Variants in OGDHL observed in about 807,000 individuals in gnomAD.
OGDHL encodes 2-oxoglutarate dehydrogenase-like, mitochondrial.
OGDHL carries 79 observed loss-of-function variants against 109.6 expected under a neutral mutation model. The observed-to-expected ratio is 0.72, with a 90% confidence interval of 0.60 to 0.87. The LOEUF is 0.87. OGDHL is among the 40% of genes least tolerant of loss of function. OGDHL has a pLI of 0.00. For missense variants in OGDHL, 1,275 were observed against 1,362.2 expected, an observed-to-expected ratio of 0.94 and a Z score of 1.01; for synonymous variants, 528 against 537.2, an observed-to-expected ratio of 0.98 and a Z score of 0.24.
rs1841436813 is a variant in OGDHL, at chr10:49,739,035, TCATAA to T, written c.2319+621_2319+625del. 3 of 152,780 alleles carry T rather than the reference TCATAA, an allele frequency of 2.0e-5. No individual in the cohort carries two copies. In the South Asian group the frequency reaches 6.2e-4, roughly 32 times the overall value. 9.5% of individuals were successfully genotyped at this position (152,780 alleles called of 1,614,324 possible). A position where few individuals can be genotyped will look rare whatever the true frequency, so the allele number is the denominator to read the frequency against. The stretch of plus-strand genomic sequence containing the variant: ...GCCGAGTATGCAGCCTGTAAAGTGC[TCATAA>T]CATGCCACTCAGGGATAATGGTGGC... On this transcript the variant is annotated intron_variant, in intron 17 of 22. Transcript: ENST00000374103.
intron 14 of OGDHL, 108 bp from the exon 15 acceptor site, chr10:49,743,086 TTTGG>T: frequency 7.1e-7 from 1 of 1,405,446 alleles, no homozygotes; most frequent in Non-Finnish European, 9.5e-7. Flanking sequence ...CATCTGTTGA[TTTGG>T]TTGGAGGGCA....
chr10:49,742,362 A>ACACT (rs2132990007), intron 15 of OGDHL, among the ~76,000 whole-genome samples: 1 of 3,838 alleles, frequency 2.6e-4, no homozygotes, highest in Admixed American at 3.1e-3. Context: ...CACACAACAC[A>ACACT]CCACACACCC....
rs1277623501 is a variant in OGDHL, at chr10:49,738,003, G to GT, written c.2460dup (p.Pro821ThrfsTer26). ...CGCAGCACGTGGAAGTAGTTGGCCG[G>GT]TGTGGAGCAGTTGACCACGATCCAG... is the stretch of plus-strand genomic sequence containing the variant. On this transcript the variant is annotated frameshift_variant, in exon 19 of 23. Coordinates refer to ENST00000374103, the MANE Select transcript of OGDHL (RefSeq NM_018245.3). LOFTEE classifies it high-confidence loss of function. 2 of 1,614,226 alleles carry GT rather than the reference G, an allele frequency of 1.2e-6. No individual in the cohort carries two copies. The highest frequency in any genetic ancestry group is 2.2e-5 in the South Asian group (2 of 91,084).
chr10:49,751,896 G>T lies in OGDHL; in HGVS notation c.680C>A (p.Thr227Asn), dbSNP rs779521749. ...GCTGGAGAACTGCATCACACCAGGG[G>T]TCTCAAACTTCTGCCGGATCCACTG... ...QCQWIRQKFETPGVMQFSSEE... is the reference protein window; with the variant it reads ...QCQWIRQKFENPGVMQFSSEE... The change falls in exon 6 of 23, where the codon ACC becomes AAC. Residue 227 changes from threonine (T) to asparagine (N), a missense_variant. Coordinates refer to ENST00000374103, the MANE Select transcript of OGDHL (RefSeq NM_018245.3). The T allele has an allele frequency of 3.7e-6, 6 of 1,614,168 alleles. No individual in the cohort carries two copies. The highest frequency in any genetic ancestry group is 5.1e-6 in the Non-Finnish European group (6 of 1,180,034).
intron 12 of OGDHL, 43 bp downstream of exon 12, chr10:49,745,301 A>C: frequency 6.2e-7 from 1 of 1,606,658 alleles, no homozygotes; most frequent in Non-Finnish European, 8.5e-7. Context: ...CAGGGTCCCC[A>C]CCCAAAGTTT....
At chr10:49,752,523 G>A in intron 4 of OGDHL, 115 bp downstream of exon 4, 1 of 896,890 alleles carries the variant, frequency 1.1e-6, no homozygotes, top group South Asian at 1.4e-5. Context: ...AGGCCCTGTG[G>A]GCTGCTCCCC....
rs556597115 is a variant in OGDHL at position 49,738,175 on chromosome 10, C to T, written c.2391+16G>A. On this transcript the variant is annotated intron_variant, in intron 18 of 22. Coordinates refer to ENST00000374103, the MANE Select transcript of OGDHL (RefSeq NM_018245.3). ...ATAGGGCGCGTCCCTGTCCTGGGGA[C>T]AGCAGCAACACTCACAGGGTAGGCA... 6.8e-6 allele frequency: 11 copies of T among 1,614,134 alleles called. No individual in the cohort carries two copies. The Admixed American group carries it at 1.8e-4, about 27-fold the overall frequency.
intron 22 of OGDHL, 44 bp from the exon 23 acceptor site, chr10:49,735,395 G>A (rs199966066): frequency 3.9e-5 from 62 of 1,596,378 alleles, no homozygotes; most frequent in African/African-American, 3.2e-4. Context: ...GGGCCTAGCC[G>A]CCCCCCAACC....
In OGDHL at chr10:49,735,313, C is replaced by T; in HGVS notation, c.2948G>A (p.Gly983Glu). 1 of 1,614,058 alleles carries T rather than the reference C, an allele frequency of 6.2e-7. No individual in the cohort carries two copies. Among genetic ancestry groups the T allele is most frequent in the Non-Finnish European group, 8.5e-7 (1 of 1,180,010 alleles). ...GRDPAAAPAT[G>E]NRNTHLVSLK... ...TGACACCAGGTGAGTGTTCCTGTTT[C>T]CTGTGGCTGGTGCAGCCGCTGGGTC... Residue 983 changes from glycine to glutamate, a missense_variant, in exon 23 of 23, where the codon GGA becomes GAA. By Grantham distance (98) the Gly-to-Glu change is moderately conservative. Coordinates refer to ENST00000374103, the MANE Select transcript of OGDHL (RefSeq NM_018245.3).
rs539709424 is a variant in OGDHL at position 49,748,628 on chromosome 10, C to T, written c.987+1098G>A. Among the ~76,000 whole-genome samples the T allele has an allele frequency of 1.2e-4, 19 of 152,230 alleles. No homozygotes were observed. The South Asian group carries it at 2.5e-3, about 20-fold the overall frequency. On this transcript the variant is annotated intron_variant, in intron 8 of 22. Transcript: ENST00000374103. ...CTCATTGCAACCATTCTCGGGCATG[C>T]GCTTTTATCCCTGTTTTATGGAAGA...
chr10:49,754,022 A>G (rs537765389), intron 3 of OGDHL, among the ~76,000 whole-genome samples: 129 of 152,312 alleles, frequency 8.5e-4, no homozygotes, highest in Non-Finnish European at 1.3e-3. Context: ...CAATGTTGCC[A>G]TAAGATTGAC....
In OGDHL at chr10:49,750,876, T is replaced by C. The variant is rs1842540873; in HGVS notation, c.859A>G (p.Met287Val). The stretch of plus-strand genomic sequence containing the variant: ...CCCAAGATGACATTCTCAATCCCCA[T>C]CTCGCTGGATTTGTCGATGATGGTC... ...LKTIIDKSSE[M>V]GIENVILGMP... The change falls in exon 7 of 23, where the codon ATG becomes GTG. Residue 287 changes from methionine (M) to valine (V), a missense_variant. By Grantham distance (21) the Met-to-Val change is conservative (BLOSUM62 1). Coordinates refer to ENST00000374103, the MANE Select transcript of OGDHL (RefSeq NM_018245.3). 6.2e-7 allele frequency: 1 copy of C among 1,612,330 alleles called. No individual in the cohort carries two copies. The highest frequency in any genetic ancestry group is 8.5e-7 in the Non-Finnish European group (1 of 1,179,270).
At chr10:49,758,263 A>C in intron 2 of OGDHL, 126 bp downstream of exon 2, 1 of 901,926 alleles carries the variant, frequency 1.1e-6, no homozygotes, top group Non-Finnish European at 1.7e-6. Context: ...TGAGGACCTG[A>C]GAGGCAAAGA....
At chr10:49,735,432 G>A in intron 22 of OGDHL, 81 bp from the exon 23 acceptor site, 1 of 1,522,514 alleles carries the variant, frequency 6.6e-7, no homozygotes, top group South Asian at 1.3e-5. Context: ...GACTGCAGGG[G>A]GCACGCATCT....
rs1841331190 is a variant in OGDHL, at chr10:49,737,967, G to A, written c.2497C>T (p.Leu833=). The stretch of plus-strand genomic sequence containing the variant: ...CTCACCGGCTTGCGGAAGGGCAGCA[G>A]GATCTGCCGGCGCAGCACGTGGAAG... The part of the protein sequence containing the change: ...NYFHVLRRQI[L]LPFRKPLIIF... Residue 833 remains leucine (L), a synonymous_variant, in exon 19 of 23, where the codon CTG becomes TTG. Transcript: ENST00000374103. 6.2e-7 allele frequency: 1 copy of A among 1,614,050 alleles called. No homozygotes were observed. Among genetic ancestry groups the A allele is most frequent in the African/African-American group, 1.3e-5 (1 of 74,934 alleles).
chr10:49,756,595 T>A, intron 3 of OGDHL, 181 bp downstream of exon 3: 1 of 548,316 alleles, frequency 1.8e-6, no homozygotes, highest in South Asian at 4.0e-5. Context: ...AAGCAGGTGG[T>A]AAGTGCTCTG....
At chr10:49,737,731 CA>C in intron 20 of OGDHL, 54 bp downstream of exon 20, 1 of 1,594,492 alleles carries the variant, frequency 6.3e-7, no homozygotes. Flanking sequence ...AGAAGCCACA[CA>C]ATGGGCCACC....
chr10:49,755,982 C>A (rs1194371526), intron 3 of OGDHL, among the ~76,000 whole-genome samples: 1 of 152,222 alleles, frequency 6.6e-6, no homozygotes, highest in African/African-American at 2.4e-5. Flanking sequence ...GGGAACCCAA[C>A]CCTGCTCACC....
Position 49,742,967 on chromosome 10 carries a change from T to C in OGDHL, c.1873A>G (p.Ile625Val), listed in dbSNP as rs745772902. 10 of 1,613,192 alleles carry C rather than the reference T, an allele frequency of 6.2e-6. No homozygotes were observed. In the South Asian group the frequency reaches 8.8e-5, roughly 14 times the overall value. The part of the protein sequence containing the change: ...DFKIHTGLSR[I>V]LRGRADMTKN... ...GTCATGTCCGCACGGCCCCGCAGAATGCGAGAGAGGCCTGTGGGAAAGGAG... is the reference window on the plus strand; with the variant it reads ...GTCATGTCCGCACGGCCCCGCAGAACGCGAGAGAGGCCTGTGGGAAAGGAG... Residue 625 changes from isoleucine to valine, a missense_variant, in exon 15 of 23, where the codon ATT (isoleucine) becomes GTT (valine). By Grantham distance (29) the Ile-to-Val change is conservative. Transcript: ENST00000374103.
Sources: gnomAD v4.1 joint callset for allele counts (sites outside exome capture counted in the v4.1 genomes callset) on GRCh38, gnomAD v4.1.1 for gene constraint, MANE v1.5 for transcripts, NCBI Gene and HGNC (gene_info 2026-07-23, HGNC 2026-07-21) for gene names.